UBE3B: variants seen among roughly 807,000 people sequenced by gnomAD.
UBE3B encodes the protein ubiquitin protein ligase E3B.
Under a neutral mutation model 132.3 loss-of-function variants are expected in UBE3B, and 80 were observed. That is an observed-to-expected ratio of 0.60 (90% CI 0.50 to 0.73). UBE3B has a LOEUF of 0.73. Among genes scored for constraint, UBE3B ranks in the 30% least tolerant of loss-of-function variants. UBE3B has a pLI of 0.00. For synonymous variants in UBE3B, 487 were observed against 520.4 expected, an observed-to-expected ratio of 0.94 and a Z score of 0.87; for missense variants, 1,196 against 1,362.5, an observed-to-expected ratio of 0.88 and a Z score of 1.92.
chr12:109,533,638 T>C (rs767247184), intron 27 of UBE3B, 80 bp downstream of exon 27: 1 of 1,314,244 alleles, frequency 7.6e-7, no homozygotes, highest in Admixed American at 1.7e-5. Context: ...GCAAGGCCCT[T>C]ATCTAGTCCA....
chr12:109,539,414 G>A (rs543438554), downstream of UBE3B, among the ~76,000 whole-genome samples: 8 of 152,294 alleles, frequency 5.3e-5, no homozygotes, highest in South Asian at 1.5e-3. Flanking sequence ...CAGATCTTAC[G>A]AGGGCATTAG....
chr12:109,486,371 TG>T, intron 5 of UBE3B, 99 bp from the exon 6 acceptor site: 2 of 961,268 alleles, frequency 2.1e-6, no homozygotes, highest in Non-Finnish European at 3.2e-6. Context: ...CTGCTTTATC[TG>T]GCACTGGACC....
At chr12:109,514,215 G>C (rs1410617340) in intron 18 of UBE3B, among the ~76,000 whole-genome samples, 2 of 152,196 alleles carry the variant, frequency 1.3e-5, no homozygotes, top group African/African-American at 4.8e-5. Context: ...TTACCCAGAA[G>C]GCCTAAGAGG....
At chr12:109,507,398 G>A (rs11611012) in intron 14 of UBE3B, among the ~76,000 whole-genome samples, 166 bp from the exon 15 acceptor site, 17,522 of 152,276 alleles carry the variant, frequency 0.12, 1,273 homozygotes, top group Middle Eastern at 0.17. Flanking sequence ...TCTTATCATT[G>A]TTACTCTCGT....
chr12:109,499,779 C>T lies in UBE3B; in HGVS notation c.1087C>T (p.Leu363Phe). Residue 363 changes from leucine (L) to phenylalanine (F), a missense_variant, in exon 12 of 28, where the codon CTT becomes TTT. Coordinates refer to ENST00000342494, the MANE Select transcript of UBE3B (RefSeq NM_130466.4). ...KSNLTHWHPV[L>F]GWFSQSVDYG... ...CAACCTGACCCACTGGCATCCTGTC[C>T]TTGGCTGGTTCTCCCAATCTGTGGA... 1.2e-6 allele frequency: 2 copies of T among 1,609,406 alleles called. No homozygotes were observed. The highest frequency in any genetic ancestry group is 1.7e-6 in the Non-Finnish European group (2 of 1,177,580).
At position 109,486,547 on chromosome 12, in the gene UBE3B, A is replaced by G. The variant is rs141063517; in HGVS notation, c.419A>G (p.Tyr140Cys). 133 of 1,471,572 alleles carry G rather than the reference A, an allele frequency of 9.0e-5. 2 individuals carry two copies. In the Middle Eastern group the frequency reaches 4.1e-3, roughly 46 times the overall value. The allele number at this position is 1,471,572 out of a possible 1,614,324, so 91.2% of individuals were successfully genotyped here. A position where few individuals can be genotyped will look rare whatever the true frequency, so the allele number is the denominator to read the frequency against. ...CAACAGATCAAGAACATTTTGTGGT[A>G]CTGCTGTGATTTTCTCAAGCAGCTC... The part of the protein sequence containing the change: ...WIQQIKNILW[Y>C]CCDFLKQLKP... The change falls in exon 6 of 28, where the codon TAC becomes TGC. Residue 140 changes from tyrosine to cysteine, a missense_variant. Tyr to Cys is a radical substitution (Grantham distance 194). Coordinates refer to ENST00000342494, the MANE Select transcript of UBE3B (RefSeq NM_130466.4).
At chr12:109,485,922 G>GTGCAGGTATTA in intron 4 of UBE3B, 90 bp from the exon 5 acceptor site, 1 of 1,409,534 alleles carries the variant, frequency 7.1e-7, no homozygotes, top group Non-Finnish European at 9.7e-7. Context: ...ATACCTGCAC[G>GTGCAGGTATTA]TGCCAGGTAC....
intron 24 of UBE3B, chr12:109,528,543 A>T: frequency 1.0e-6 from 1 of 972,288 alleles, no homozygotes; most frequent in Non-Finnish European, 1.2e-6. Context: ...GCCGGGCTCA[A>T]GTTCTTTGCT....
chr12:109,501,684 CT>C, intron 13 of UBE3B, 150 bp downstream of exon 13: 1 of 998,134 alleles, frequency 1.0e-6, no homozygotes, highest in South Asian at 1.7e-5. Flanking sequence ...CAGAGTCTCA[CT>C]GTATTGCCCA....
Position 109,521,956 on chromosome 12 carries a change from TC to T in UBE3B, c.2364+409del. Among the ~76,000 whole-genome samples, 1 of 152,112 alleles carries T rather than the reference TC, an allele frequency of 6.6e-6. No individual in the cohort carries two copies. On this transcript the variant is annotated intron_variant, in intron 21 of 27. Transcript: ENST00000342494. This position sits in a 1 kb window ranked among gnomAD's most constrained non-coding sequence, Gnocchi z 4.2. ...GCCAGATGGCCACACGGAGGCTGGG[TC>T]CCCGTTGTAGGAGGGCAGCATTTTG...
At chr12:109,511,181 A>G (rs777503022) in intron 17 of UBE3B, 23 bp from the exon 18 acceptor site, 7 of 1,611,592 alleles carry the variant, frequency 4.3e-6, no homozygotes, top group Non-Finnish European at 5.9e-6. Flanking sequence ...TAATTCTCCC[A>G]AACCCATGTC....
chr12:109,527,729 A>G (rs898406790), intron 24 of UBE3B, among the ~76,000 whole-genome samples: 3 of 144,012 alleles, frequency 2.1e-5, no homozygotes, highest in African/African-American at 5.0e-5. Flanking sequence ...GGGCCCAGCC[A>G]GGGCCAGAGA....
downstream of UBE3B, among the ~76,000 whole-genome samples, chr12:109,536,921 C>A (rs1444025525): frequency 6.6e-6 from 1 of 152,166 alleles, no homozygotes; most frequent in Admixed American, 6.5e-5. Flanking sequence ...AGATGAGCAC[C>A]CTCTATGGGC....
rs753878565 is a variant in UBE3B at position 109,490,585 on chromosome 12, G to T, written c.631-460G>T. 5.6e-5 allele frequency: 86 copies of T among 1,535,980 alleles called. No individual in the cohort carries two copies. The African/African-American group carries it at 9.8e-4, about 18-fold the overall frequency. On this transcript the variant is annotated intron_variant, in intron 8 of 27. Coordinates refer to ENST00000342494, the MANE Select transcript of UBE3B (RefSeq NM_130466.4). ...GCAGAAGCTGGTATGACTGGCAGTTGTCTCGCTAGAGGAACCTTCTACTTC... is the reference window on the plus strand; with the variant it reads ...GCAGAAGCTGGTATGACTGGCAGTTTTCTCGCTAGAGGAACCTTCTACTTC...
intron 24 of UBE3B, among the ~76,000 whole-genome samples, chr12:109,526,958 C>T (rs181756013): frequency 1.1e-3 from 166 of 152,162 alleles, no homozygotes; most frequent in Non-Finnish European, 2.1e-3. Context: ...ACCCAGGCCA[C>T]GGTGTTCTTA....
At position 109,507,625 on chromosome 12, in the gene UBE3B, C is replaced by T. The variant is rs762971990; in HGVS notation, c.1512C>T (p.Pro504=). 1.2e-6 allele frequency: 2 copies of T among 1,614,154 alleles called. No homozygotes were observed. The highest frequency in any genetic ancestry group is 2.2e-5 in the South Asian group (2 of 91,078). Residue 504 remains proline, a synonymous_variant, in exon 15 of 28, where the codon CCC becomes CCT. Coordinates refer to ENST00000342494, the MANE Select transcript of UBE3B (RefSeq NM_130466.4). The part of the protein sequence containing the change: ...KLWAFICELG[P]HGGLKLFLEC... Reference sequence around the variant, plus strand: ...GGGCATTTATCTGTGAGCTCGGGCCCCACGGAGGGTTAAAGCTCTTCTTGG... The same window carrying T: ...GGGCATTTATCTGTGAGCTCGGGCCTCACGGAGGGTTAAAGCTCTTCTTGG...
chr12:109,538,263 C>G (rs572683549), downstream of UBE3B, among the ~76,000 whole-genome samples: 207 of 152,310 alleles, frequency 1.4e-3, no homozygotes, highest in African/African-American at 3.9e-3. The surrounding 1 kb of genome is among the most constrained non-coding windows in gnomAD (Gnocchi z 4.1). Flanking sequence ...TCTCGCCAAG[C>G]TTGGCGAGTA....
At chr12:109,527,387 C>T (rs911430390) in intron 24 of UBE3B, among the ~76,000 whole-genome samples, 6 of 152,164 alleles carry the variant, frequency 3.9e-5, no homozygotes, top group African/African-American at 1.2e-4. Context: ...AATCTCCCGC[C>T]GCCAGGCTCA....
At chr12:109,516,567 A>G (rs1881088692) in intron 18 of UBE3B, among the ~76,000 whole-genome samples, 198 bp from the exon 19 acceptor site, 1 of 151,968 alleles carries the variant, frequency 6.6e-6, no homozygotes, top group Non-Finnish European at 1.5e-5. Context: ...TGTGTATTCA[A>G]CAGTATTTCT....
Sources: allele counts gnomAD v4.1 joint callset (sites outside exome capture counted in the v4.1 genomes callset), GRCh38; gene constraint gnomAD v4.1.1; non-coding constraint Gnocchi (gnomAD v3.1); transcripts MANE v1.5; gene names NCBI Gene and HGNC (gene_info 2026-07-23, HGNC 2026-07-21).